The following LRRC20 variants were observed in gnomAD, a reference collection of about 807,000 sequenced individuals.
LRRC20 encodes leucine-rich repeat-containing protein 20.
In LRRC20, 11 loss-of-function variants were observed where a neutral mutation model predicts 14.4. That is an observed-to-expected ratio of 0.77 (90% CI 0.48 to 1.27). LRRC20 has a LOEUF of 1.27. Ranked by LOEUF, LRRC20 falls within the 50% of genes most tolerant of loss-of-function variation. LRRC20 has a pLI of 0.00. For missense variants in LRRC20, 219 were observed against 251.2 expected, an observed-to-expected ratio of 0.87 and a Z score of 0.87; for synonymous variants, 121 against 107.3, an observed-to-expected ratio of 1.13 and a Z score of -0.79.
chr10:70,349,926 T>C (rs1297311941), intron 2 of LRRC20, among the ~76,000 whole-genome samples: 1 of 152,146 alleles, frequency 6.6e-6, no homozygotes, highest in African/African-American at 2.4e-5. Flanking sequence ...TCACCCTAGA[T>C]TCAGGTGGAT....
intron 2 of LRRC20, among the ~76,000 whole-genome samples, chr10:70,371,680 C>A (rs1261448647): frequency 6.6e-6 from 1 of 152,178 alleles, no homozygotes; most frequent in Middle Eastern, 3.4e-3. Context: ...AAGCAGACTA[C>A]CTAAGGGGCA....
chr10:70,328,233 T>G (rs1842398028), intron 3 of LRRC20, among the ~76,000 whole-genome samples: 1 of 152,148 alleles, frequency 6.6e-6, no homozygotes, highest in Admixed American at 6.5e-5. Flanking sequence ...ACATATTTAC[T>G]AAGCACCTAC....
intron 2 of LRRC20, among the ~76,000 whole-genome samples, chr10:70,349,201 A>G (rs1296173622): frequency 6.6e-6 from 1 of 152,264 alleles, no homozygotes; most frequent in Non-Finnish European, 1.5e-5. Flanking sequence ...CGCATCAAGC[A>G]GCATGGTCAG....
intron 2 of LRRC20, among the ~76,000 whole-genome samples, chr10:70,363,986 T>C (rs1280526940): frequency 6.6e-6 from 1 of 152,188 alleles, no homozygotes; most frequent in East Asian, 1.9e-4. Context: ...CCCACCTGCT[T>C]CCTGCGAGAG....
intron 3 of LRRC20, among the ~76,000 whole-genome samples, chr10:70,339,339 G>A (rs755794000): frequency 3.3e-5 from 5 of 152,186 alleles, no homozygotes; most frequent in Non-Finnish European, 7.4e-5. Flanking sequence ...CAGAGATGGT[G>A]CTGTTACAAA....
Position 70,379,912 on chromosome 10 carries a change from C to A in LRRC20, c.-64+2637G>T, listed in dbSNP as rs115007853. 4.6e-3 allele frequency among the ~76,000 whole-genome samples: 702 copies of A among 152,336 alleles called. 5 individuals are homozygous for A. The highest frequency in any genetic ancestry group is 0.016 in the African/African-American group (669 of 41,588). The stretch of plus-strand genomic sequence containing the variant: ...CATTAGATTCTCCATAAGGAGCACA[C>A]AACCTAGATCCATCGCATTCGCAGT... On this transcript the variant is annotated intron_variant, in intron 1 of 4. Coordinates refer to ENST00000446961, the MANE Select transcript of LRRC20 (RefSeq NM_001278212.2).
chr10:70,345,243 G>C (rs1486576224), intron 2 of LRRC20, among the ~76,000 whole-genome samples: 1 of 152,040 alleles, frequency 6.6e-6, no homozygotes, highest in East Asian at 1.9e-4. Context: ...AAACTGGAGA[G>C]GGAAGGATTA....
At chr10:70,353,349 C>G (rs1403747937) in intron 2 of LRRC20, among the ~76,000 whole-genome samples, 1 of 37,450 alleles carries the variant, frequency 2.7e-5, no homozygotes, top group African/African-American at 5.6e-5. Flanking sequence ...TTAGTGATCT[C>G]AGCTTGTCAT....
chr10:70,300,993 T>C lies in LRRC20; in HGVS notation c.*361A>G. 9.7e-7 allele frequency: 1 copy of C among 1,028,400 alleles called. No homozygotes were observed. The highest frequency in any genetic ancestry group is 1.2e-6 in the Non-Finnish European group (1 of 858,672). 63.7% of individuals were successfully genotyped at this position (1,028,400 alleles called of 1,614,324 possible). A position where few individuals can be genotyped will look rare whatever the true frequency, so the allele number is the denominator to read the frequency against. On this transcript the variant is annotated 3_prime_UTR_variant, in exon 5 of 5. Transcript: ENST00000446961. ...GGCAATGCCCACCTGTGCCTGCTGATCTGGAGGTAACTTGGAGGCACGTAC... is the reference window on the plus strand; with the variant it reads ...GGCAATGCCCACCTGTGCCTGCTGACCTGGAGGTAACTTGGAGGCACGTAC...
At chr10:70,333,883 C>G (rs1282457493) in intron 3 of LRRC20, among the ~76,000 whole-genome samples, 1 of 152,198 alleles carries the variant, frequency 6.6e-6, no homozygotes, top group Non-Finnish European at 1.5e-5. Flanking sequence ...GGTGCTGTGG[C>G]TCAGGCCTAT....
intron 4 of LRRC20, among the ~76,000 whole-genome samples, chr10:70,308,999 A>C (rs1841536766): frequency 6.6e-6 from 1 of 152,026 alleles, no homozygotes; most frequent in African/African-American, 2.4e-5. Flanking sequence ...CAGGGCCCCC[A>C]TTTTCCCTAT....
intron 4 of LRRC20, 95 bp downstream of exon 4, chr10:70,323,768 C>T: frequency 7.2e-7 from 1 of 1,392,152 alleles, no homozygotes; most frequent in Non-Finnish European, 9.9e-7. Context: ...AAAGCCCAAG[C>T]TTCTCCTCCC....
intron 2 of LRRC20, among the ~76,000 whole-genome samples, chr10:70,357,854 A>G (rs1017035977): frequency 6.6e-6 from 1 of 152,248 alleles, no homozygotes; most frequent in African/African-American, 2.4e-5. Context: ...CCAGGATGAC[A>G]CTAACAGTAT....
At chr10:70,303,352 C>T (rs1038930864) in intron 4 of LRRC20, among the ~76,000 whole-genome samples, 1 of 152,100 alleles carries the variant, frequency 6.6e-6, no homozygotes, top group Non-Finnish European at 1.5e-5. Context: ...AGGTTAGTTA[C>T]AGTTTGAATT....
chr10:70,343,950 G>A (rs538875046), intron 2 of LRRC20, among the ~76,000 whole-genome samples: 9 of 152,328 alleles, frequency 5.9e-5, no homozygotes, highest in African/African-American at 1.7e-4. Flanking sequence ...TGTAAATCCA[G>A]TACATTGGGA....
chr10:70,311,166 G>A (rs915621077), intron 4 of LRRC20, among the ~76,000 whole-genome samples: 2 of 149,632 alleles, frequency 1.3e-5, no homozygotes, highest in African/African-American at 4.9e-5. Context: ...TGGGATGGAT[G>A]TACCACTTTG....
chr10:70,311,406 G>C (rs764072221), intron 4 of LRRC20, among the ~76,000 whole-genome samples: 2 of 151,920 alleles, frequency 1.3e-5, no homozygotes, highest in African/African-American at 2.4e-5. Context: ...ATTTTTAGTA[G>C]AGATGGGATT....
intron 2 of LRRC20, among the ~76,000 whole-genome samples, chr10:70,344,111 G>A (rs1843000060): frequency 1.3e-5 from 2 of 152,110 alleles, no homozygotes; most frequent in Admixed American, 6.5e-5. Context: ...GAAGTGGGAA[G>A]AAGATCGCTT....
chr10:70,379,254 A>T (rs913644585), intron 1 of LRRC20, among the ~76,000 whole-genome samples: 2 of 152,214 alleles, frequency 1.3e-5, no homozygotes, highest in Non-Finnish European at 2.9e-5. Flanking sequence ...AATAGAAAGG[A>T]CTGTGGCAAA....
Sources: allele counts gnomAD v4.1 joint callset (sites outside exome capture counted in the v4.1 genomes callset), GRCh38; gene constraint gnomAD v4.1.1; transcripts MANE v1.5; gene names NCBI Gene and HGNC (gene_info 2026-07-23, HGNC 2026-07-21).